SLC2A14: variants seen among roughly 807,000 people sequenced by gnomAD.
SLC2A14 encodes the protein solute carrier family 2 member 14.
A neutral mutation model predicts 43.0 loss-of-function variants in SLC2A14; 13 were observed. The ratio of observed to expected loss-of-function variants is 0.30; its 90% CI spans 0.20 to 0.48. The LOEUF is 0.48. Among genes scored for constraint, SLC2A14 ranks in the 20% least tolerant of loss-of-function variants. The probability of loss-of-function intolerance (pLI) is 0.99; values close to 1 mark genes in which losing one functional copy is unlikely to be tolerated. For missense variants in SLC2A14, 428 were observed against 620.4 expected, an observed-to-expected ratio of 0.69 and a Z score of 3.29; for synonymous variants, 190 against 233.8, an observed-to-expected ratio of 0.81 and a Z score of 1.71.
At chr12:7,829,493 G>C (rs1864809958) in intron 5 of SLC2A14, among the ~76,000 whole-genome samples, 1 of 151,222 alleles carries the variant, frequency 6.6e-6, no homozygotes, top group African/African-American at 2.4e-5. Flanking sequence ...CCAGGAGGCA[G>C]AGGTTGGGCC....
chr12:7,885,060 C>T (rs1945665895), intron 1 of SLC2A14, among the ~76,000 whole-genome samples: 1 of 151,996 alleles, frequency 6.6e-6, no homozygotes, highest in African/African-American at 2.4e-5. Flanking sequence ...ATTTGGTATA[C>T]ATAGTAATTC....
intron 1 of SLC2A14, among the ~76,000 whole-genome samples, chr12:7,882,484 C>T (rs984154563): frequency 2.6e-5 from 4 of 152,118 alleles, no homozygotes; most frequent in Non-Finnish European, 5.9e-5. Context: ...AGCGCCCCTC[C>T]ACTCCAGCCT....
At chr12:7,891,120 C>T (rs1305239592) in exon 1 of SLC2A14, 1 of 1,533,690 alleles carries the variant, frequency 6.5e-7, no homozygotes, top group Middle Eastern at 1.7e-4. Context: ...CAGTTGGAGT[C>T]TTTGCATTGT....
intron 9 of SLC2A14, 82 bp from the exon 10 acceptor site, chr12:7,818,116 A>C: frequency 7.5e-7 from 1 of 1,327,068 alleles, no homozygotes; most frequent in Non-Finnish European, 1.0e-6. Context: ...ACTAATGGCA[A>C]GCTCCTCCTG....
At chr12:7,827,349 C>T (rs1864582517) in intron 7 of SLC2A14, 146 bp downstream of exon 7, 4 of 1,096,200 alleles carry the variant, frequency 3.6e-6, no homozygotes, top group Admixed American at 5.6e-5. Context: ...AATCTCAGCT[C>T]ACTGCAACCT....
At chr12:7,846,854 G>A (rs1050279336) in intron 2 of SLC2A14, among the ~76,000 whole-genome samples, 6 of 151,390 alleles carry the variant, frequency 4.0e-5, no homozygotes, top group Admixed American at 1.3e-4. Flanking sequence ...GGCTGGTCTC[G>A]AACTCCTGAC....
intron 2 of SLC2A14, among the ~76,000 whole-genome samples, chr12:7,869,650 C>G (rs1299896782): frequency 2.0e-5 from 3 of 152,026 alleles, no homozygotes; most frequent in African/African-American, 7.2e-5. Flanking sequence ...TATTAAAGCA[C>G]AAAAGGCTGC....
At chr12:7,836,481 A>G (rs762930280) in intron 2 of SLC2A14, among the ~76,000 whole-genome samples, 2 of 152,166 alleles carry the variant, frequency 1.3e-5, no homozygotes, top group East Asian at 2.0e-4. Flanking sequence ...CGGCCTCCCA[A>G]ACTGCTGGGA....
chr12:7,872,838 G>A lies in SLC2A14; in HGVS notation c.-89C>T. 3 of 985,516 alleles carry A rather than the reference G, an allele frequency of 3.0e-6. No individual in the cohort carries two copies. Among genetic ancestry groups the A allele is most frequent in the Non-Finnish European group, 3.6e-6 (3 of 830,044 alleles). 61.0% of individuals were successfully genotyped at this position (985,516 alleles called of 1,614,324 possible). On this transcript the variant is annotated 5_prime_UTR_variant, in exon 1 of 11. Transcript: ENST00000431042. ...GACCCCGCGACTGCGGTTGGGCCCCGCGGCTTCGCTCAACCACGCACCTCC... is the reference window on the plus strand; with the variant it reads ...GACCCCGCGACTGCGGTTGGGCCCCACGGCTTCGCTCAACCACGCACCTCC...
chr12:7,885,891 C>G (rs1945679199), intron 1 of SLC2A14, among the ~76,000 whole-genome samples: 1 of 152,014 alleles, frequency 6.6e-6, no homozygotes, highest in South Asian at 2.1e-4. Context: ...ATTGATGAAA[C>G]AGCCATGAGC....
intron 1 of SLC2A14, among the ~76,000 whole-genome samples, chr12:7,880,226 G>A (rs1945541052): frequency 6.6e-6 from 1 of 151,994 alleles, no homozygotes; most frequent in Non-Finnish European, 1.5e-5. Context: ...GCTTGAACCT[G>A]GAGGCGGAGG....
At chr12:7,828,122 G>T (rs982090804) in intron 6 of SLC2A14, among the ~76,000 whole-genome samples, 4 of 151,848 alleles carry the variant, frequency 2.6e-5, no homozygotes, top group Non-Finnish European at 5.9e-5. Flanking sequence ...CCATCACTTT[G>T]GGAGGCCAAG....
chr12:7,830,098 G>T (rs1186876570), intron 4 of SLC2A14, 92 bp from the exon 5 acceptor site: 5 of 1,496,390 alleles, frequency 3.3e-6, no homozygotes, highest in Admixed American at 4.5e-5. Context: ...TCTTCTCCAG[G>T]CTTATATCAA....
chr12:7,814,360 T>G lies in SLC2A14; in HGVS notation c.1450A>C (p.Met484Leu). The G allele has an allele frequency of 6.2e-7, 1 of 1,610,430 alleles. No homozygotes were observed. The highest frequency in any genetic ancestry group is 8.5e-7 in the Non-Finnish European group (1 of 1,178,628). The change falls in exon 11 of 11, where the codon ATG becomes CTG. Residue 484 changes from methionine to leucine, a missense_variant. Met to Leu is a conservative substitution (Grantham distance 15, BLOSUM62 2). Transcript: ENST00000431042. Reference sequence around the variant, plus strand: ...TCCTTAGCAGGCTCGATGCTGTTCATCCCCATGACGCCGTCCTTCCCAGAT... The same window carrying G: ...TCCTTAGCAGGCTCGATGCTGTTCAGCCCCATGACGCCGTCCTTCCCAGAT... ...DRSGKDGVMGMNSIEPAKETT... is the reference protein window; with the variant it reads ...DRSGKDGVMGLNSIEPAKETT...
chr12:7,871,647 G>A (rs1945240110), intron 1 of SLC2A14, among the ~76,000 whole-genome samples: 1 of 152,014 alleles, frequency 6.6e-6, no homozygotes, highest in African/African-American at 2.4e-5. Context: ...GGGCCTCCAG[G>A]ACCTGGAGGT....
At chr12:7,863,266 C>T in intron 2 of SLC2A14, 1 of 396,956 alleles carries the variant, frequency 2.5e-6, no homozygotes, top group South Asian at 1.8e-5. Context: ...CACTCCTGAG[C>T]CAGCAAGACC....
rs185130499 is a variant in SLC2A14 at position 7,871,154 on chromosome 12, A to T, written c.-57-1217T>A. The T allele has an allele frequency of 5.3e-5, 68 of 1,283,724 alleles. No individual in the cohort carries two copies. In the African/African-American group the frequency reaches 9.9e-4, roughly 19 times the overall value. The allele number at this position is 1,283,724 out of a possible 1,614,324, so 79.5% of individuals were successfully genotyped here. Reference sequence around the variant, plus strand: ...GAGAAGCTGAATGGAACAGACCCCCAGGATGTGATCCAAAACGCCTTCACC... The same window carrying T: ...GAGAAGCTGAATGGAACAGACCCCCTGGATGTGATCCAAAACGCCTTCACC... On this transcript the variant is annotated intron_variant, in intron 1 of 10. Transcript: ENST00000431042.
At chr12:7,873,866 T>C (rs1201606040), upstream of SLC2A14, among the ~76,000 whole-genome samples, 1 of 151,798 alleles carries the variant, frequency 6.6e-6, no homozygotes, top group Non-Finnish European at 1.5e-5. Context: ...GAGAGATTGT[T>C]CTCCCCTAGC....
At chr12:7,825,492 G>A (rs1280778396) in intron 7 of SLC2A14, among the ~76,000 whole-genome samples, 2 of 148,150 alleles carry the variant, frequency 1.3e-5, no homozygotes, top group Admixed American at 6.8e-5. Context: ...AGCCAGGCGC[G>A]GTGGCTCATG....
Sources: allele counts gnomAD v4.1 joint callset (sites outside exome capture counted in the v4.1 genomes callset), GRCh38; gene constraint gnomAD v4.1.1; transcripts MANE v1.5; gene names NCBI Gene and HGNC (gene_info 2026-07-23, HGNC 2026-07-21).